CHD6: variants seen among roughly 807,000 people sequenced by gnomAD.
The protein encoded by CHD6 is chromodomain helicase DNA binding protein 6.
CHD6 carries 50 observed loss-of-function variants against 276.9 expected under a neutral mutation model. The observed-to-expected ratio is 0.18, with a 90% CI of 0.14 to 0.23. CHD6 has a LOEUF of 0.23. CHD6 is among the 10% of genes least tolerant of loss of function. The pLI is 1.00. For synonymous variants in CHD6, 1,173 were observed against 1,229.3 expected, an observed-to-expected ratio of 0.95 and a Z score of 0.96; for missense variants, 2,564 against 3,365.8, an observed-to-expected ratio of 0.76 and a Z score of 5.89.
rs756085841 is a variant in CHD6 at position 41,404,765 on chromosome 20, T to G, written c.7976A>C (p.Lys2659Thr). ...GLESQKRKKK[K>T]TKGDNPNSHP... ...GGAGTTGGGGTTGTCCCCCTTTGTC[T>G]TCTTCTTCTTCCTCTTCTGGCTCTC... Residue 2659 changes from lysine to threonine, a missense_variant, in exon 37 of 37, where the codon AAG becomes ACG. Physicochemically the swap from Lys to Thr is moderately conservative, Grantham distance 78. Transcript: ENST00000373233. 1.1e-5 allele frequency: 17 copies of G among 1,604,136 alleles called. No individual in the cohort carries two copies. The highest frequency in any genetic ancestry group is 1.2e-5 in the Non-Finnish European group (14 of 1,174,988).
At chr20:41,583,620 A>C (rs1261456518) in intron 1 of CHD6, among the ~76,000 whole-genome samples, 1 of 152,238 alleles carries the variant, frequency 6.6e-6, no homozygotes, top group African/African-American at 2.4e-5. Flanking sequence ...ACAGAAGTCA[A>C]TGCGAGATCT....
chr20:41,605,038 T>C (rs574711427), intron 1 of CHD6, among the ~76,000 whole-genome samples: 1 of 152,324 alleles, frequency 6.6e-6, no homozygotes, highest in East Asian at 1.9e-4. Flanking sequence ...CTGTGATTAT[T>C]CTATGTAGGA....
At chr20:41,580,150 C>T (rs958177560) in intron 1 of CHD6, among the ~76,000 whole-genome samples, 2 of 152,120 alleles carry the variant, frequency 1.3e-5, no homozygotes, top group Non-Finnish European at 2.9e-5. Flanking sequence ...TGTTCGAATG[C>T]TATAAACTAC....
intron 11 of CHD6, among the ~76,000 whole-genome samples, chr20:41,490,604 G>A (rs2043528177): frequency 6.6e-6 from 1 of 152,162 alleles, no homozygotes; most frequent in Non-Finnish European, 1.5e-5. Context: ...CCTGAGGTCA[G>A]GAGTTCGAGA....
intron 1 of CHD6, among the ~76,000 whole-genome samples, chr20:41,583,711 A>T (rs1157723283): frequency 6.6e-6 from 1 of 152,200 alleles, no homozygotes; most frequent in Admixed American, 6.5e-5. Flanking sequence ...ATTATAAAAA[A>T]TATAAAAGTA....
chr20:41,441,249 C>T (rs6065352), intron 25 of CHD6, among the ~76,000 whole-genome samples: 58,285 of 151,978 alleles, frequency 0.38, 13,954 homozygotes, highest in African/African-American at 0.66. Flanking sequence ...ATAGTCAGTA[C>T]CTAGCAAAGG....
At chr20:41,469,960 G>C (rs193258131) in intron 17 of CHD6, among the ~76,000 whole-genome samples, 6 of 152,356 alleles carry the variant, frequency 3.9e-5, no homozygotes, top group Admixed American at 3.9e-4. Context: ...AGGAGGACAG[G>C]AGGATTTGGG....
intron 3 of CHD6, among the ~76,000 whole-genome samples, chr20:41,515,458 A>T (rs901407353): frequency 1.4e-3 from 209 of 152,286 alleles, no homozygotes; most frequent in African/African-American, 4.8e-3. Context: ...TTCACCTACA[A>T]CCACAGCCCA....
rs986587221 is a variant in CHD6, at chr20:41,493,956, A to G, written c.1093-12T>C. On this transcript the variant is annotated splice_polypyrimidine_tract_variant and intron_variant, in intron 8 of 36. Coordinates refer to ENST00000373233, the MANE Select transcript of CHD6 (RefSeq NM_032221.5). The stretch of plus-strand genomic sequence containing the variant: ...AAGTCTTCATCAGGCTAACACAAAC[A>G]GAGGAGAACAGTTAGGAAGTATGTC... 6.2e-7 allele frequency: 1 copy of G among 1,606,032 alleles called. No homozygotes were observed. Among genetic ancestry groups the G allele is most frequent in the African/African-American group, 1.3e-5 (1 of 74,754 alleles).
intron 17 of CHD6, among the ~76,000 whole-genome samples, chr20:41,468,131 T>TG (rs375681615): frequency 1.1e-3 from 172 of 149,856 alleles, no homozygotes; most frequent in African/African-American, 4.0e-3. Flanking sequence ...TTTTGGGAGA[T>TG]GGAGTTTTGC....
chr20:41,468,558 TTAAG>T (rs1310146557), intron 17 of CHD6, among the ~76,000 whole-genome samples: 1 of 152,214 alleles, frequency 6.6e-6, no homozygotes, highest in Non-Finnish European at 1.5e-5. Flanking sequence ...CTCCAATACT[TTAAG>T]TAACACCTGG....
At chr20:41,527,385 CA>C (rs1601088813) in intron 3 of CHD6, among the ~76,000 whole-genome samples, 1 of 152,224 alleles carries the variant, frequency 6.6e-6, no homozygotes, top group South Asian at 2.1e-4. Flanking sequence ...CACACCACTG[CA>C]CTCCAGCCTG....
chr20:41,466,669 A>C (rs1241324390), intron 17 of CHD6, among the ~76,000 whole-genome samples: 3 of 152,122 alleles, frequency 2.0e-5, no homozygotes, highest in Non-Finnish European at 2.9e-5. Context: ...TCTGGCTCAT[A>C]TGGTGTTGAG....
chr20:41,551,165 G>T, intron 2 of CHD6, 140 bp downstream of exon 2: 1 of 651,536 alleles, frequency 1.5e-6, no homozygotes. Context: ...ATTCAGAACA[G>T]AGCTCTCAGT....
At chr20:41,514,698 G>A in intron 4 of CHD6, 107 bp downstream of exon 4, 1 of 1,308,328 alleles carries the variant, frequency 7.6e-7, no homozygotes. Context: ...CCAGCCCAGG[G>A]CTAGGGAGTG....
Position 41,454,127 on chromosome 20 carries a change from C to T in CHD6, c.3120+499G>A, listed in dbSNP as rs2048320406. Reference sequence around the variant, plus strand: ...CCACCTCCTCTTCTACTAATCTCAGCGGGGGTCAAAAGCTTCATCCGAAGG... The same window carrying T: ...CCACCTCCTCTTCTACTAATCTCAGTGGGGGTCAAAAGCTTCATCCGAAGG... On this transcript the variant is annotated intron_variant, in intron 20 of 36. Coordinates refer to ENST00000373233, the MANE Select transcript of CHD6 (RefSeq NM_032221.5). Among the ~76,000 whole-genome samples the T allele has an allele frequency of 2.6e-5, 4 of 152,312 alleles. No homozygotes were observed. In the South Asian group the frequency reaches 8.3e-4, roughly 32 times the overall value.
chr20:41,551,043 T>C (rs568092629), intron 2 of CHD6, among the ~76,000 whole-genome samples: 3 of 152,354 alleles, frequency 2.0e-5, no homozygotes, highest in Admixed American at 2.0e-4. Flanking sequence ...AGGGAGGAAA[T>C]GTTTCTCTTC....
chr20:41,486,656 G>A (rs1213090194), intron 14 of CHD6, among the ~76,000 whole-genome samples: 1 of 152,150 alleles, frequency 6.6e-6, no homozygotes, highest in African/African-American at 2.4e-5. Flanking sequence ...AGCTAATTAT[G>A]TCATTCCTGT....
rs962313658 is a variant in CHD6 at position 41,451,112 on chromosome 20, C to T, written c.3524-7G>A. The stretch of plus-strand genomic sequence containing the variant: ...GGGACTGGGGCAGATAAGCCTGAAA[C>T]AGAAAGACAGCATAGGGCAAGTGGA... On this transcript the variant is annotated splice_polypyrimidine_tract_variant and splice_region_variant and intron_variant, in intron 22 of 36. Transcript: ENST00000373233. 6.2e-7 allele frequency: 1 copy of T among 1,612,846 alleles called. No homozygotes were observed. Among genetic ancestry groups the T allele is most frequent in the African/African-American group, 1.3e-5 (1 of 75,008 alleles).
Sources: allele counts gnomAD v4.1 joint callset (sites outside exome capture counted in the v4.1 genomes callset), GRCh38; gene constraint gnomAD v4.1.1; transcripts MANE v1.5; gene names NCBI Gene and HGNC (gene_info 2026-07-23, HGNC 2026-07-21).